ANO10: variants seen among roughly 807,000 people sequenced by gnomAD.
ANO10 encodes anoctamin 10.
Under a neutral mutation model 74.7 loss-of-function variants are expected in ANO10, and 77 were observed. The observed-to-expected ratio is 1.03, with a 90% CI of 0.86 to 1.25. The LOEUF (loss-of-function observed/expected upper bound fraction) is 1.25, where lower values mean the gene tolerates loss of function less well. ANO10 is among the 50% of genes most tolerant of loss of function. ANO10 has a pLI of 0.00. For missense variants in ANO10, 721 were observed against 778.1 expected (o/e 0.93, Z 0.87); for synonymous variants, 279 against 284.9 (o/e 0.98, Z 0.21).
chr3:43,445,281 G>A (rs1327322624), intron 11 of ANO10, among the ~76,000 whole-genome samples: 2 of 152,028 alleles, frequency 1.3e-5, no homozygotes, highest in African/African-American at 4.8e-5. Context: ...AAAAACTAAG[G>A]AAATCTGAAT....
chr3:43,609,227 T>C (rs1053034373), intron 1 of ANO10, among the ~76,000 whole-genome samples: 2 of 152,194 alleles, frequency 1.3e-5, no homozygotes, highest in Non-Finnish European at 2.9e-5. Flanking sequence ...ATAGAGTCAT[T>C]AGAGATATCC....
chr3:43,679,480 A>G (rs1447964236), intron 1 of ANO10, among the ~76,000 whole-genome samples: 1 of 152,198 alleles, frequency 6.6e-6, no homozygotes, highest in East Asian at 1.9e-4. Context: ...AGCTCAAGGA[A>G]GCCTGCCAGC....
At chr3:43,368,128 C>T (rs2091474306) in intron 12 of ANO10, among the ~76,000 whole-genome samples, 2 of 152,230 alleles carry the variant, frequency 1.3e-5, no homozygotes, top group African/African-American at 2.4e-5. Context: ...CTGTCTCCCA[C>T]AGGGCGGCTC....
intron 11 of ANO10, among the ~76,000 whole-genome samples, chr3:43,507,572 A>AC (rs1209374427): frequency 6.6e-6 from 1 of 151,738 alleles, no homozygotes; most frequent in Non-Finnish European, 1.5e-5. Context: ...TTTACAAGGG[A>AC]CAAAAAAAAA....
chr3:43,457,923 G>GCCCCCAACCCAT (rs2075207905), intron 11 of ANO10, among the ~76,000 whole-genome samples: 1 of 151,972 alleles, frequency 6.6e-6, no homozygotes, highest in South Asian at 2.1e-4. Flanking sequence ...AAGATGCAAG[G>GCCCCCAACCCAT]CCCCCAACCC....
intron 11 of ANO10, among the ~76,000 whole-genome samples, chr3:43,484,521 T>C (rs763987560): frequency 3.2e-4 from 48 of 152,176 alleles, no homozygotes; most frequent in Admixed American, 7.2e-4. Flanking sequence ...AAATATATTT[T>C]TGGGGTAAAA....
At chr3:43,584,537 A>C (rs2081392677) in intron 4 of ANO10, among the ~76,000 whole-genome samples, 1 of 152,138 alleles carries the variant, frequency 6.6e-6, no homozygotes, top group Admixed American at 6.6e-5. Context: ...GAGCTAGTGT[A>C]AGTAAGCTGC....
intron 11 of ANO10, among the ~76,000 whole-genome samples, chr3:43,488,019 T>C (rs1290184439): frequency 6.6e-6 from 1 of 152,132 alleles, no homozygotes; most frequent in East Asian, 1.9e-4. Flanking sequence ...ACGCCGCGTA[T>C]CTACAACTAT....
chr3:43,396,352 T>G (rs372014276), intron 12 of ANO10, among the ~76,000 whole-genome samples: 2 of 152,180 alleles, frequency 1.3e-5, no homozygotes, highest in East Asian at 1.9e-4. Context: ...TAAGGTTTTT[T>G]TTTTGAGATG....
intron 11 of ANO10, among the ~76,000 whole-genome samples, chr3:43,536,854 C>G (rs1481232502): frequency 1.3e-5 from 2 of 151,920 alleles, no homozygotes; most frequent in Non-Finnish European, 2.9e-5. Flanking sequence ...ATTTTTTCAA[C>G]AAGTTTTTAT....
intron 12 of ANO10, among the ~76,000 whole-genome samples, chr3:43,421,528 T>TAAAGA (rs1314001727): frequency 1.4e-5 from 2 of 145,212 alleles, no homozygotes; most frequent in African/African-American, 2.6e-5. Context: ...TCTCAAAAAA[T>TAAAGA]AAAGAAAAGA....
intron 11 of ANO10, among the ~76,000 whole-genome samples, chr3:43,463,955 C>T (rs533735160): frequency 7.9e-5 from 12 of 152,134 alleles, no homozygotes; most frequent in Non-Finnish European, 1.6e-4. Flanking sequence ...ATGCTGTTCT[C>T]GTGATAGTGA....
At chr3:43,655,508 C>G (rs935987525) in intron 1 of ANO10, among the ~76,000 whole-genome samples, 2 of 152,236 alleles carry the variant, frequency 1.3e-5, no homozygotes, top group African/African-American at 4.8e-5. Context: ...GTTGCCACTG[C>G]TGGCTGGGGC....
chr3:43,420,001 A>C (rs1466356751), intron 12 of ANO10, among the ~76,000 whole-genome samples: 1 of 152,220 alleles, frequency 6.6e-6, no homozygotes, highest in East Asian at 1.9e-4. Flanking sequence ...GAAAGAAACA[A>C]ATGAGCAAAC....
intron 11 of ANO10, among the ~76,000 whole-genome samples, chr3:43,438,873 A>G (rs1200835789): frequency 6.6e-6 from 1 of 152,220 alleles, no homozygotes; most frequent in East Asian, 1.9e-4. Flanking sequence ...CAACAAAAGA[A>G]GAAAAGTGAA....
intron 1 of ANO10, among the ~76,000 whole-genome samples, chr3:43,665,712 T>G (rs936290777): frequency 4.6e-5 from 7 of 152,180 alleles, no homozygotes; most frequent in African/African-American, 1.7e-4. Flanking sequence ...TCGCAAAATC[T>G]TCAGGATTCA....
intron 11 of ANO10, among the ~76,000 whole-genome samples, chr3:43,547,678 T>C (rs2079260569): frequency 6.6e-6 from 1 of 152,152 alleles, no homozygotes; most frequent in African/African-American, 2.4e-5. Context: ...CGAGTGAGGA[T>C]TAGACTAGCA....
At chr3:43,573,919 A>G (rs1052086573) in intron 7 of ANO10, among the ~76,000 whole-genome samples, 3 of 152,190 alleles carry the variant, frequency 2.0e-5, no homozygotes, top group African/African-American at 7.2e-5. Flanking sequence ...AAGAATAGAA[A>G]CATATCTAAA....
chr3:43,593,096 C>T (rs960311770), intron 4 of ANO10, among the ~76,000 whole-genome samples: 5 of 152,166 alleles, frequency 3.3e-5, no homozygotes, highest in Non-Finnish European at 5.9e-5. Context: ...TCCTCCAAAA[C>T]ATATGGGACT....
Sources: gnomAD v4.1 joint callset for allele counts (sites outside exome capture counted in the v4.1 genomes callset) on GRCh38, gnomAD v4.1.1 for gene constraint, MANE v1.5 for transcripts, NCBI Gene and HGNC (gene_info 2026-07-23, HGNC 2026-07-21) for gene names.